HECW1: variants seen among roughly 807,000 people sequenced by gnomAD.
The protein encoded by HECW1 is HECT, C2 and WW domain containing E3 ubiquitin protein ligase 1.
A neutral mutation model predicts 182.3 loss-of-function variants in HECW1; 61 were observed. The ratio of observed to expected loss-of-function variants is 0.33; its 90% CI spans 0.27 to 0.41. HECW1 has a LOEUF of 0.41. Among genes scored for constraint, HECW1 ranks in the 10% least tolerant of loss-of-function variants. The pLI is 1.00. For missense variants in HECW1, 1,739 were observed against 2,108.9 expected, an observed-to-expected ratio of 0.82 and a Z score of 3.44; for synonymous variants, 859 against 832.6, an observed-to-expected ratio of 1.03 and a Z score of -0.55.
chr7:43,471,242 G>A (rs983779852), intron 16 of HECW1, among the ~76,000 whole-genome samples: 22 of 152,176 alleles, frequency 1.4e-4, no homozygotes, highest in Non-Finnish European at 2.2e-4. Flanking sequence ...TGTTTGGACC[G>A]TGTCTTACAG....
At chr7:43,362,829 C>T (rs990906841) in intron 6 of HECW1, among the ~76,000 whole-genome samples, 2 of 152,158 alleles carry the variant, frequency 1.3e-5, no homozygotes, top group African/African-American at 4.8e-5. Flanking sequence ...CTCTTGCCAA[C>T]ACACAGCAGT....
chr7:43,203,563 G>C (rs1001575208), intron 2 of HECW1, among the ~76,000 whole-genome samples: 9 of 152,154 alleles, frequency 5.9e-5, no homozygotes, highest in Admixed American at 1.3e-4. Context: ...TGATTCTCCT[G>C]CCTCAGCCTC....
chr7:43,312,714 G>A (rs1019536830), intron 4 of HECW1, among the ~76,000 whole-genome samples: 1 of 152,194 alleles, frequency 6.6e-6, no homozygotes, highest in African/African-American at 2.4e-5. Context: ...CAAATAAGTT[G>A]GATGCTGAGG....
intron 3 of HECW1, among the ~76,000 whole-genome samples, chr7:43,281,169 G>C (rs927240455): frequency 6.6e-6 from 1 of 152,154 alleles, no homozygotes; most frequent in Non-Finnish European, 1.5e-5. Context: ...GCACTGCTGA[G>C]AGTCCCTTCA....
intron 3 of HECW1, among the ~76,000 whole-genome samples, chr7:43,246,255 A>G (rs1195885609): frequency 2.0e-5 from 3 of 152,216 alleles, no homozygotes; most frequent in African/African-American, 4.8e-5. Flanking sequence ...GTGAGCTAAT[A>G]TGGCACCACT....
intron 3 of HECW1, among the ~76,000 whole-genome samples, chr7:43,268,520 A>C (rs1412039525): frequency 2.0e-5 from 3 of 152,254 alleles, no homozygotes; most frequent in Admixed American, 6.5e-5. Context: ...TAGTGGGCAG[A>C]GGCCGGGGAT....
At chr7:43,535,157 G>A (rs2081130734) in intron 24 of HECW1, among the ~76,000 whole-genome samples, 1 of 152,126 alleles carries the variant, frequency 6.6e-6, no homozygotes, top group Non-Finnish European at 1.5e-5. Context: ...TGAATTGTTG[G>A]CAAATGGCCC....
intron 17 of HECW1, among the ~76,000 whole-genome samples, chr7:43,488,468 G>GAA (rs1444092423): frequency 6.8e-6 from 1 of 147,774 alleles, no homozygotes; most frequent in Non-Finnish European, 1.5e-5. Context: ...AAGAAAGAAA[G>GAA]AAAGAAAGAA....
chr7:43,358,982 C>T (rs775937615), intron 5 of HECW1, among the ~76,000 whole-genome samples: 3 of 151,930 alleles, frequency 2.0e-5, no homozygotes, highest in East Asian at 1.9e-4. Flanking sequence ...TGCACCACCA[C>T]GCCCAGCTAA....
intron 3 of HECW1, chr7:43,274,564 G>A (rs889346526): frequency 4.8e-5 from 25 of 517,226 alleles, no homozygotes; most frequent in Admixed American, 1.5e-4. Context: ...CCACCAAGAG[G>A]CCCAACATCT....
At chr7:43,354,023 A>G (rs12702034) in intron 5 of HECW1, among the ~76,000 whole-genome samples, 25,298 of 152,144 alleles carry the variant, frequency 0.17, 2,802 homozygotes, top group Non-Finnish European at 0.25. Context: ...GACCTCCTCC[A>G]TTCAGGATGG....
chr7:43,188,798 GA>G (rs1202653151), intron 2 of HECW1, among the ~76,000 whole-genome samples: 1 of 152,202 alleles, frequency 6.6e-6, no homozygotes, highest in Non-Finnish European at 1.5e-5. Context: ...GCTGGAGGGG[GA>G]AGAACTGGGG....
rs180921829 is a variant in HECW1, at chr7:43,264,727, T to C, written c.27+20795T>C. On this transcript the variant is annotated intron_variant, in intron 3 of 29. Coordinates refer to ENST00000395891, the MANE Select transcript of HECW1 (RefSeq NM_015052.5). ...GGTGTGGTGGCGGGCACCTGTAGTC[T>C]CAGTTACTCCGGTGGCTGAGGCAGG... 1.9e-3 allele frequency among the ~76,000 whole-genome samples: 289 copies of C among 151,214 alleles called. 1 individual carries two copies. The highest frequency in any genetic ancestry group is 6.8e-3 in the Middle Eastern group (2 of 294).
Position 43,270,339 on chromosome 7 carries a change from T to C in HECW1, c.27+26407T>C, listed in dbSNP as rs559828649. 3.3e-5 allele frequency among the ~76,000 whole-genome samples: 5 copies of C among 152,310 alleles called. 1 individual carries two copies. Among genetic ancestry groups the C allele is most frequent in the African/African-American group, 9.6e-5 (4 of 41,568 alleles). On this transcript the variant is annotated intron_variant, in intron 3 of 29. Coordinates refer to ENST00000395891, the MANE Select transcript of HECW1 (RefSeq NM_015052.5). ...CTAGGGCAGGAGGACCCACTTCCAA[T>C]GTGTCTCACTAGTGTGGCTGGCAAA... is the stretch of plus-strand genomic sequence containing the variant.
At chr7:43,147,051 G>A (rs1788793135) in intron 2 of HECW1, among the ~76,000 whole-genome samples, 1 of 152,146 alleles carries the variant, frequency 6.6e-6, no homozygotes, top group Non-Finnish European at 1.5e-5. Context: ...GCCAGCAGTG[G>A]GTAATGGAAA....
chr7:43,296,422 C>G (rs1227999870), intron 3 of HECW1, among the ~76,000 whole-genome samples: 1 of 152,136 alleles, frequency 6.6e-6, no homozygotes. Flanking sequence ...CCAGGAAGGT[C>G]TATGGTGTGT....
At chr7:43,208,271 A>G (rs1016966223) in intron 2 of HECW1, among the ~76,000 whole-genome samples, 1 of 152,268 alleles carries the variant, frequency 6.6e-6, no homozygotes, top group Non-Finnish European at 1.5e-5. Context: ...CTCTATTTCA[A>G]TGGCTAGACA....
intron 5 of HECW1, among the ~76,000 whole-genome samples, chr7:43,323,212 A>G (rs1810350706): frequency 6.6e-6 from 1 of 152,226 alleles, no homozygotes; most frequent in African/African-American, 2.4e-5. Context: ...TGTAACATAT[A>G]TAGAACATTT....
intron 24 of HECW1, among the ~76,000 whole-genome samples, chr7:43,514,613 C>A (rs1057049783): frequency 6.6e-6 from 1 of 152,150 alleles, no homozygotes; most frequent in Non-Finnish European, 1.5e-5. Context: ...TATCTTCATT[C>A]TTTGATTATG....
Sources: gnomAD v4.1 joint callset for allele counts (sites outside exome capture counted in the v4.1 genomes callset) on GRCh38, gnomAD v4.1.1 for gene constraint, MANE v1.5 for transcripts, NCBI Gene and HGNC (gene_info 2026-07-23, HGNC 2026-07-21) for gene names.